The following SGCZ variants were observed in gnomAD, a reference collection of about 807,000 sequenced individuals.
The protein encoded by SGCZ is sarcoglycan zeta.
Under a neutral mutation model 41.3 loss-of-function variants are expected in SGCZ, and 40 were observed. The ratio of observed to expected loss-of-function variants is 0.97; its 90% CI spans 0.75 to 1.26. The LOEUF is 1.26. SGCZ is among the 50% of genes most tolerant of loss of function. The pLI is 0.00. For synonymous variants in SGCZ, 206 were observed against 137.5 expected, an observed-to-expected ratio of 1.50 and a Z score of -3.49; for missense variants, 552 against 369.8, an observed-to-expected ratio of 1.49 and a Z score of -4.04.
At chr8:14,666,898 T>C (rs1205110947) in intron 1 of SGCZ, among the ~76,000 whole-genome samples, 1 of 150,204 alleles carries the variant, frequency 6.7e-6, no homozygotes, top group African/African-American at 2.5e-5. Flanking sequence ...TACTAAAATA[T>C]TCTATAAGAA....
At chr8:14,918,677 A>G (rs1799507370) in intron 1 of SGCZ, among the ~76,000 whole-genome samples, 1 of 152,188 alleles carries the variant, frequency 6.6e-6, no homozygotes, top group Non-Finnish European at 1.5e-5. Context: ...TGACTCAACA[A>G]CCAATAATTT....
intron 1 of SGCZ, among the ~76,000 whole-genome samples, chr8:14,955,202 C>T (rs1039772882): frequency 3.3e-5 from 5 of 152,120 alleles, no homozygotes; most frequent in Non-Finnish European, 5.9e-5. Flanking sequence ...TCAAAACTTC[C>T]TATTTTCTAT....
At chr8:14,240,098 G>A (rs1798816737) in intron 3 of SGCZ, among the ~76,000 whole-genome samples, 1 of 151,696 alleles carries the variant, frequency 6.6e-6, no homozygotes, top group Non-Finnish European at 1.5e-5. Flanking sequence ...AGGCTGAGGT[G>A]GGAGGATCAC....
rs1336816160 is a variant in SGCZ, at chr8:14,244,146, TTCCTCCTCCTCTTCCTTCTTCCTCC to T, written c.337-6492_337-6468del. Among the ~76,000 whole-genome samples, 17 of 584 alleles carry T rather than the reference TTCCTCCTCCTCTTCCTTCTTCCTCC, an allele frequency of 0.029. 1 individual carries two copies. The East Asian group carries it at 0.37, about 13-fold the overall frequency. 0.4% of individuals were successfully genotyped at this position (584 alleles called of 152,430 possible). A position where few individuals can be genotyped will look rare whatever the true frequency, so the allele number is the denominator to read the frequency against. On this transcript the variant is annotated intron_variant, in intron 3 of 7. Coordinates refer to ENST00000382080, the MANE Select transcript of SGCZ (RefSeq NM_139167.4). ...ATTACTCCCCTTCTTTTCTTCCTTC[TTCCTCCTCCTCTTCCTTCTTCCTCC>T]TCCTCTTCCTTCTTCCTCCTCCTCT...
At chr8:14,360,454 C>A (rs1338404454) in intron 2 of SGCZ, among the ~76,000 whole-genome samples, 1 of 151,694 alleles carries the variant, frequency 6.6e-6, no homozygotes, top group Non-Finnish European at 1.5e-5. Context: ...GCCTCCTGAG[C>A]AGCTGGGATT....
intron 2 of SGCZ, among the ~76,000 whole-genome samples, chr8:14,335,729 A>T (rs1802483912): frequency 6.6e-6 from 1 of 152,058 alleles, no homozygotes; most frequent in Non-Finnish European, 1.5e-5. Flanking sequence ...TCTTCCATAC[A>T]AGCTCAGAAC....
At chr8:14,693,778 G>T (rs1329626988) in intron 1 of SGCZ, among the ~76,000 whole-genome samples, 2 of 151,784 alleles carry the variant, frequency 1.3e-5, no homozygotes, top group South Asian at 4.2e-4. Context: ...TTTTAGTAGG[G>T]ATGGGGTTTC....
intron 1 of SGCZ, among the ~76,000 whole-genome samples, chr8:14,904,383 G>T (rs528032298): frequency 3.9e-5 from 6 of 152,032 alleles, no homozygotes; most frequent in African/African-American, 1.2e-4. Flanking sequence ...AAGATTAGAC[G>T]CAGTTCAATA....
At chr8:14,458,048 C>T (rs1302525741) in intron 2 of SGCZ, among the ~76,000 whole-genome samples, 3 of 152,118 alleles carry the variant, frequency 2.0e-5, no homozygotes, top group Admixed American at 6.5e-5. Flanking sequence ...ATCAAACCTC[C>T]TTTCTTCTAA....
chr8:14,803,543 C>T (rs775824754), intron 1 of SGCZ, among the ~76,000 whole-genome samples: 7 of 151,650 alleles, frequency 4.6e-5, no homozygotes, highest in South Asian at 4.2e-4. Flanking sequence ...CGGCGCACCA[C>T]GAGATTATAT....
rs548281743 is a variant in SGCZ, at chr8:15,186,097, A to T, written c.39+51488T>A. Among the ~76,000 whole-genome samples, 229 of 100,470 alleles carry T rather than the reference A, an allele frequency of 2.3e-3. 2 individuals carry two copies. Among genetic ancestry groups the T allele is most frequent in the South Asian group, 0.014 (47 of 3,382 alleles). 65.9% of individuals were successfully genotyped at this position (100,470 alleles called of 152,430 possible). On this transcript the variant is annotated intron_variant, in intron 1 of 7. Transcript: ENST00000382080. The stretch of plus-strand genomic sequence containing the variant: ...AATAAATAAATAAAAAATAAATAAA[A>T]AAATAAAAAAAAAACTTAGCCGGGC...
At chr8:14,341,688 T>C (rs141405489) in intron 2 of SGCZ, among the ~76,000 whole-genome samples, 205 of 152,296 alleles carry the variant, frequency 1.3e-3, no homozygotes, top group Non-Finnish European at 2.3e-3. Context: ...GAGGAAGTAA[T>C]TGAATCATGG....
At chr8:14,578,515 A>G (rs1216355413) in intron 1 of SGCZ, among the ~76,000 whole-genome samples, 2 of 152,216 alleles carry the variant, frequency 1.3e-5, no homozygotes, top group Non-Finnish European at 2.9e-5. Flanking sequence ...GAATTTCAAC[A>G]GAGATTATAT....
chr8:14,873,855 T>C (rs1804252690), intron 1 of SGCZ, among the ~76,000 whole-genome samples: 1 of 152,188 alleles, frequency 6.6e-6, no homozygotes, highest in South Asian at 2.1e-4. Flanking sequence ...TTTTAGAAGA[T>C]TGATTTCTCT....
chr8:15,217,062 A>T (rs542805765), intron 1 of SGCZ, among the ~76,000 whole-genome samples: 84 of 152,148 alleles, frequency 5.5e-4, no homozygotes, highest in Non-Finnish European at 1.0e-3. Flanking sequence ...AAAAAAAAAA[A>T]AATTGTTAGG....
intron 1 of SGCZ, among the ~76,000 whole-genome samples, chr8:15,127,959 T>C (rs1266914363): frequency 6.6e-6 from 1 of 152,318 alleles, no homozygotes; most frequent in African/African-American, 2.4e-5. Context: ...AGACTCAGGA[T>C]GCTGACCTAT....
intron 3 of SGCZ, among the ~76,000 whole-genome samples, chr8:14,277,633 A>G (rs6530745): frequency 0.95 from 144,459 of 152,160 alleles, 69,023 homozygotes; most frequent in Non-Finnish European, 1. Flanking sequence ...AAGTATTGGG[A>G]TACAGAGAAT....
intron 2 of SGCZ, among the ~76,000 whole-genome samples, chr8:14,427,451 C>T (rs1799818867): frequency 6.6e-6 from 1 of 152,144 alleles, no homozygotes; most frequent in Non-Finnish European, 1.5e-5. Context: ...ACCACAGAGA[C>T]CCAAAGATAT....
intron 1 of SGCZ, among the ~76,000 whole-genome samples, chr8:15,176,265 C>T (rs559167366): frequency 1.3e-5 from 2 of 152,156 alleles, no homozygotes; most frequent in South Asian, 4.2e-4. Context: ...TTAACGGAAT[C>T]CTCAGTCATG....
Sources: allele counts gnomAD v4.1 joint callset (sites outside exome capture counted in the v4.1 genomes callset), GRCh38; gene constraint gnomAD v4.1.1; transcripts MANE v1.5; gene names NCBI Gene and HGNC (gene_info 2026-07-23, HGNC 2026-07-21).